The following ABCA1 variants were observed in gnomAD, a reference collection of about 807,000 sequenced individuals.
ABCA1 encodes the protein ATP binding cassette subfamily A member 1, also known as phospholipid-transporting ATPase ABCA1.
In ABCA1, 133 loss-of-function variants were observed where a neutral mutation model predicts 262.5. That is an observed-to-expected ratio of 0.51 (90% CI 0.44 to 0.59). The LOEUF is 0.59. ABCA1 is among the 20% of genes least tolerant of loss of function. ABCA1 has a pLI of 0.00. For missense variants in ABCA1, 2,452 were observed against 2,777.5 expected (o/e 0.88, Z 2.63); for synonymous variants, 1,022 against 1,043.5 (o/e 0.98, Z 0.40).
intron 7 of ABCA1, among the ~76,000 whole-genome samples, chr9:104,857,294 C>T (rs1049338324): frequency 1.3e-5 from 2 of 152,024 alleles, no homozygotes; most frequent in Non-Finnish European, 2.9e-5. Flanking sequence ...CAGAGTGAGA[C>T]AGATCTCAGC....
In ABCA1 at chr9:104,783,154, T is replaced by C. The variant is rs1022600835; in HGVS notation, c.*1161A>G. 2 of 152,172 alleles carry C rather than the reference T, an allele frequency of 1.3e-5. No individual in the cohort carries two copies. The highest frequency in any genetic ancestry group is 1.3e-4 in the Admixed American group (2 of 15,264). The allele number at this position is 152,172 out of a possible 1,614,324, so 9.4% of individuals were successfully genotyped here. The stretch of plus-strand genomic sequence containing the variant: ...ACTAGTCATGACTGATATGCAAACT[T>C]ACATAAGAAAATAAAAATAGTGGGG... On this transcript the variant is annotated 3_prime_UTR_variant, in exon 50 of 50. Transcript: ENST00000374736.
intron 6 of ABCA1, 23 bp downstream of exon 6, chr9:104,861,656 G>C (rs943635530): frequency 1.2e-6 from 2 of 1,614,066 alleles, no homozygotes; most frequent in Middle Eastern, 3.3e-4. Flanking sequence ...GCCCTACTGA[G>C]GAAGCTGGAG....
Position 104,810,799 on chromosome 9 carries a change from C to A in ABCA1, c.4175+1G>T, listed in dbSNP as rs375247413. The A allele has an allele frequency of 2.2e-5, 35 of 1,614,116 alleles. No homozygotes were observed. The highest frequency in any genetic ancestry group is 1.6e-4 in the Middle Eastern group (1 of 6,084). Reference sequence around the variant, plus strand: ...TCCTGGGATGTAGAAGACAAACATACCTGACAAATGTGTACTGTTCGTTGT... The same window carrying A: ...TCCTGGGATGTAGAAGACAAACATAACTGACAAATGTGTACTGTTCGTTGT... On this transcript the variant is annotated splice_donor_variant, in intron 29 of 49. Coordinates refer to ENST00000374736, the MANE Select transcript of ABCA1 (RefSeq NM_005502.4). LOFTEE classifies it high-confidence loss of function.
chr9:104,821,126 C>A (rs1371067757), intron 20 of ABCA1, among the ~76,000 whole-genome samples: 1 of 152,058 alleles, frequency 6.6e-6, no homozygotes, highest in South Asian at 2.1e-4. Context: ...GCCTAGAGTC[C>A]CAGCTACTCG....
Position 104,798,416 on chromosome 9 carries a change from C to G in ABCA1, c.5121+5G>C. The G allele has an allele frequency of 1.9e-6, 3 of 1,614,126 alleles. No individual in the cohort carries two copies. The highest frequency in any genetic ancestry group is 2.5e-6 in the Non-Finnish European group (3 of 1,179,990). On this transcript the variant is annotated splice_donor_5th_base_variant and intron_variant, in intron 37 of 49. Transcript: ENST00000374736. ...CAGAAAGATACAGCAGGCCTGTGTC[C>G]TTACCATATCCCAGACAAAATTAGA...
intron 1 of ABCA1, among the ~76,000 whole-genome samples, chr9:104,925,992 G>A (rs1826292101): frequency 6.7e-6 from 1 of 149,682 alleles, no homozygotes; most frequent in African/African-American, 2.5e-5. Context: ...CATAATTTAA[G>A]TCTGGGTTCT....
intron 5 of ABCA1, among the ~76,000 whole-genome samples, chr9:104,871,864 T>G (rs560813957): frequency 6.6e-6 from 1 of 151,954 alleles, no homozygotes; most frequent in Non-Finnish European, 1.5e-5. Flanking sequence ...GGTCTCTCAC[T>G]GAAAAAAGGG....
Position 104,788,495 on chromosome 9 carries a change from C to T in ABCA1, c.6000G>A (p.Leu2000=). 1.2e-6 allele frequency: 2 copies of T among 1,614,222 alleles called. No homozygotes were observed. Among genetic ancestry groups the T allele is most frequent in the Admixed American group, 1.7e-5 (1 of 60,026 alleles). ...YCPQFDAITE[L]LTGREHVEFF... is the part of the protein sequence containing the mutation. ...ACTCCACGTGTTCTCTCCCAGTCAA[C>T]AGCTCTGTGATGGCATCAAACTGAG... Residue 2000 remains leucine, a synonymous_variant, in exon 45 of 50, where the codon CTG becomes CTA. Transcript: ENST00000374736.
At chr9:104,803,193 G>C in intron 33 of ABCA1, 91 bp downstream of exon 33, 1 of 1,447,370 alleles carries the variant, frequency 6.9e-7, no homozygotes, top group South Asian at 1.1e-5. Flanking sequence ...GTGTGTGAGT[G>C]ACAAACAATC....
intron 1 of ABCA1, among the ~76,000 whole-genome samples, chr9:104,917,867 G>A (rs1007276097): frequency 2.0e-5 from 3 of 152,112 alleles, no homozygotes; most frequent in African/African-American, 4.8e-5. Context: ...GGGCCTTTGG[G>A]AACCAATAGT....
rs539964312 is a variant in ABCA1 at position 104,862,325 on chromosome 9, G to A, written c.422-525C>T. Among the ~76,000 whole-genome samples, 7 of 151,116 alleles carry A rather than the reference G, an allele frequency of 4.6e-5. No homozygotes were observed. The South Asian group carries it at 1.5e-3, about 32-fold the overall frequency. ...GGGTTTCACCATGATAGGCAGGCTG[G>A]TCTCAAACTCCTGACCTTGTGATCC... On this transcript the variant is annotated intron_variant, in intron 5 of 49. Transcript: ENST00000374736.
At chr9:104,857,177 G>A (rs1835911038) in intron 7 of ABCA1, among the ~76,000 whole-genome samples, 1 of 152,090 alleles carries the variant, frequency 6.6e-6, no homozygotes, top group East Asian at 2.0e-4. Flanking sequence ...GGTGGCAGGT[G>A]CCTGTAGTCC....
intron 2 of ABCA1, among the ~76,000 whole-genome samples, chr9:104,902,757 C>T (rs1840767936): frequency 6.6e-6 from 1 of 152,082 alleles, no homozygotes; most frequent in Non-Finnish European, 1.5e-5. Flanking sequence ...AAATTCTCTC[C>T]AAAGTCCCTT....
chr9:104,912,455 A>AG (rs1392255583), intron 1 of ABCA1, among the ~76,000 whole-genome samples: 1 of 152,234 alleles, frequency 6.6e-6, no homozygotes, highest in Admixed American at 6.5e-5. Context: ...CATCTATATC[A>AG]TGTCACTGAT....
intron 2 of ABCA1, among the ~76,000 whole-genome samples, chr9:104,894,500 T>C (rs756569008): frequency 6.6e-6 from 1 of 152,222 alleles, no homozygotes; most frequent in Non-Finnish European, 1.5e-5. Context: ...GAGTGCTTTA[T>C]ACACATTAAC....
At chr9:104,792,464 A>T (rs4149329) in intron 42 of ABCA1, among the ~76,000 whole-genome samples, 36,415 of 152,074 alleles carry the variant, frequency 0.24, 6,494 homozygotes, top group African/African-American at 0.5. Flanking sequence ...TGAAACTCAA[A>T]CTCAAAATCA....
chr9:104,926,125 C>T (rs1372339656), intron 1 of ABCA1, among the ~76,000 whole-genome samples: 1 of 152,020 alleles, frequency 6.6e-6, no homozygotes. Flanking sequence ...GGGCAAGTGA[C>T]TTGCTGATTT....
intron 30 of ABCA1, among the ~76,000 whole-genome samples, chr9:104,808,253 G>A (rs994611425): frequency 4.6e-5 from 7 of 152,148 alleles, no homozygotes; most frequent in Admixed American, 1.3e-4. Context: ...TGTCAGGGCC[G>A]GGCCTCTTTT....
chr9:104,845,487 A>T lies in ABCA1; in HGVS notation c.803T>A (p.Leu268Gln). 1 of 1,613,044 alleles carries T rather than the reference A, an allele frequency of 6.2e-7. No individual in the cohort carries two copies. The highest frequency in any genetic ancestry group is 1.1e-5 in the South Asian group (1 of 91,020). The part of the protein sequence containing the change: ...TKTLLHSLGT[L>Q]AQELFSMRSW... ...AAAGACACAACTTACCTCCTGGGCC[A>T]GAGTCCCAAGACTATGCAGCAATGT... The change falls in exon 8 of 50, where the codon CTG becomes CAG. Residue 268 changes from leucine (L) to glutamine (Q), a missense_variant. Leu to Gln is a moderately radical substitution (Grantham distance 113). This residue lies in a region of ABCA1 where 1,032 missense variants were observed against 1,089.7 expected (regional missense o/e 0.95). Coordinates refer to ENST00000374736, the MANE Select transcript of ABCA1 (RefSeq NM_005502.4).
Sources: gnomAD v4.1 joint callset for allele counts (sites outside exome capture counted in the v4.1 genomes callset) on GRCh38, gnomAD v4.1.1 for gene constraint, gnomAD v4.1.1 regional missense constraint, MANE v1.5 for transcripts, NCBI Gene and HGNC (gene_info 2026-07-23, HGNC 2026-07-21) for gene names.